CELF1: variants seen among roughly 807,000 people sequenced by gnomAD.
CELF1 encodes 50 kDa nuclear polyadenylated RNA-binding protein.
CELF1 carries 10 observed loss-of-function variants against 61.8 expected under a neutral mutation model. That is an observed-to-expected ratio of 0.16 (90% CI 0.10 to 0.27). The LOEUF is 0.27. Ranked by LOEUF, CELF1 falls within the 10% of genes least tolerant of loss-of-function variation. CELF1 has a pLI of 1.00. For synonymous variants in CELF1, 236 were observed against 225.1 expected (o/e 1.05, Z -0.43); for missense variants, 380 against 639.1 (o/e 0.59, Z 4.37).
intron 1 of CELF1, among the ~76,000 whole-genome samples, chr11:47,534,473 TC>T (rs1370126021): frequency 6.8e-6 from 1 of 147,316 alleles, no homozygotes; most frequent in East Asian, 2.2e-4. Context: ...ATGCCTGTAA[TC>T]CCAGCACTCT....
intron 2 of CELF1, among the ~76,000 whole-genome samples, chr11:47,563,079 C>T (rs977598251): frequency 3.3e-5 from 5 of 151,878 alleles, no homozygotes; most frequent in Non-Finnish European, 5.9e-5. Flanking sequence ...AGCCAGGTAT[C>T]GTGGCACACG....
At chr11:47,533,661 T>C (rs1029896465) in intron 1 of CELF1, among the ~76,000 whole-genome samples, 17 of 151,630 alleles carry the variant, frequency 1.1e-4, no homozygotes, top group African/African-American at 3.9e-4. Context: ...CATACATAAA[T>C]TAGCTGAGCA....
In CELF1 at chr11:47,470,005, C is replaced by G. The variant is rs1482328805; in HGVS notation, c.*2225G>C. On this transcript the variant is annotated 3_prime_UTR_variant, in exon 15 of 15. Coordinates refer to ENST00000687097, the MANE Select transcript of CELF1 (RefSeq NM_001376376.1). ...AGCACCCTATGGAGCACAGCTCTCT[C>G]CTCTGCCAATTCACAGCATTAACAC... is the stretch of plus-strand genomic sequence containing the variant. The G allele has an allele frequency of 2.0e-5, 3 of 152,214 alleles. No individual in the cohort carries two copies. Among genetic ancestry groups the G allele is most frequent in the Non-Finnish European group, 4.4e-5 (3 of 68,060 alleles). 9.4% of individuals were successfully genotyped at this position (152,214 alleles called of 1,614,324 possible).
intron 7 of CELF1, among the ~76,000 whole-genome samples, chr11:47,484,112 C>T (rs1479855558): frequency 6.6e-6 from 1 of 152,102 alleles, no homozygotes; most frequent in Non-Finnish European, 1.5e-5. Context: ...ATGACAGGAT[C>T]GTTTGAGTCC....
At chr11:47,478,028 CTG>C (rs1172790502) in intron 10 of CELF1, among the ~76,000 whole-genome samples, 1 of 152,046 alleles carries the variant, frequency 6.6e-6, no homozygotes, top group Admixed American at 6.6e-5. Flanking sequence ...GGAATCTAAA[CTG>C]TGCTGTCGCT....
intron 9 of CELF1, among the ~76,000 whole-genome samples, chr11:47,480,129 G>A (rs1031839783): frequency 2.1e-5 from 3 of 145,546 alleles, no homozygotes; most frequent in Non-Finnish European, 3.0e-5. Context: ...TCGCTCTGTC[G>A]CCAGGCTGGA....
chr11:47,519,074 C>A (rs892510050), intron 1 of CELF1, among the ~76,000 whole-genome samples: 9 of 152,160 alleles, frequency 5.9e-5, no homozygotes, highest in African/African-American at 2.2e-4. Flanking sequence ...AGGTTATAGG[C>A]CAGAAAATGC....
rs1486185179 is a variant in CELF1 at position 47,489,017 on chromosome 11, T to C, written c.79A>G (p.Lys27Glu). The stretch of plus-strand genomic sequence containing the variant: ...GGGTGGTCCAGGGTGCCGTTCATTT[T>C]CTTTGAGCTGTGTGAGATAAAATGA... ...CSLNSSPVSK[K>E]MNGTLDHPDQ... is the part of the protein sequence containing the mutation. Residue 27 changes from lysine (K) to glutamate (E), a missense_variant, in exon 4 of 15, where the codon AAA becomes GAA. Lys to Glu is a moderately conservative substitution (Grantham distance 56). Transcript: ENST00000687097. The C allele has an allele frequency of 5.1e-6, 8 of 1,581,886 alleles. No individual in the cohort carries two copies. The highest frequency in any genetic ancestry group is 1.7e-4 in the Middle Eastern group (1 of 5,846).
chr11:47,472,020 G>A lies in CELF1; in HGVS notation c.*210C>T. On this transcript the variant is annotated 3_prime_UTR_variant, in exon 15 of 15. Coordinates refer to ENST00000687097, the MANE Select transcript of CELF1 (RefSeq NM_001376376.1). ...CACCTAAACTCCAAAGTAAAACACT[G>A]GAAACCAAAGCACAAACTTGTCCTC... 1 of 543,798 alleles carries A rather than the reference G, an allele frequency of 1.8e-6. No homozygotes were observed. Among genetic ancestry groups the A allele is most frequent in the East Asian group, 2.7e-5 (1 of 36,562 alleles). 33.7% of individuals were successfully genotyped at this position (543,798 alleles called of 1,614,324 possible). A position where few individuals can be genotyped will look rare whatever the true frequency, so the allele number is the denominator to read the frequency against.
At chr11:47,503,647 T>C (rs891337928) in intron 1 of CELF1, among the ~76,000 whole-genome samples, 1 of 152,184 alleles carries the variant, frequency 6.6e-6, no homozygotes, top group Non-Finnish European at 1.5e-5. Flanking sequence ...AAGTAAGCAA[T>C]TGATACTTGA....
chr11:47,521,145 C>T (rs1038574289), intron 1 of CELF1, among the ~76,000 whole-genome samples: 2 of 151,616 alleles, frequency 1.3e-5, no homozygotes, highest in African/African-American at 2.4e-5. Context: ...CCAGCTACTC[C>T]GGAGGCTGAG....
chr11:47,556,262 G>A (rs1409202834), upstream of CELF1, among the ~76,000 whole-genome samples: 3 of 152,114 alleles, frequency 2.0e-5, no homozygotes, highest in Non-Finnish European at 4.4e-5. Context: ...ATAGTTCACA[G>A]CAACCTTGAA....
chr11:47,554,191 G>T (rs2097195645), upstream of CELF1, among the ~76,000 whole-genome samples: 1 of 151,824 alleles, frequency 6.6e-6, no homozygotes, highest in African/African-American at 2.4e-5. Flanking sequence ...GCCTTTGGGG[G>T]GGAAAAAAAC....
rs2153385692 is a variant in CELF1 at position 47,475,591 on chromosome 11, G to A, written c.1088-70C>T. 3.3e-6 allele frequency: 5 copies of A among 1,510,350 alleles called. No individual in the cohort carries two copies. In the East Asian group the frequency reaches 1.1e-4, roughly 34 times the overall value. 93.6% of individuals were successfully genotyped at this position (1,510,350 alleles called of 1,614,324 possible). ...CTGATGCCAAAGACAAGTCTACTTGGGACATCTAGAAGAGGGAAAACTCCA... is the reference window on the plus strand; with the variant it reads ...CTGATGCCAAAGACAAGTCTACTTGAGACATCTAGAAGAGGGAAAACTCCA... On this transcript the variant is annotated intron_variant, in intron 12 of 14. Transcript: ENST00000687097.
intron 12 of CELF1, 136 bp downstream of exon 12, chr11:47,476,710 G>T: frequency 1.5e-6 from 1 of 683,176 alleles, no homozygotes; most frequent in Non-Finnish European, 2.5e-6. Context: ...AGAGGTGTGA[G>T]CCACCACACC....
chr11:47,473,324 G>T (rs2078484749), intron 13 of CELF1, 93 bp from the exon 14 acceptor site: 2 of 1,183,208 alleles, frequency 1.7e-6, no homozygotes, highest in African/African-American at 1.5e-5. Flanking sequence ...TGTTAAAACT[G>T]TCACAATCCC....
intron 1 of CELF1, among the ~76,000 whole-genome samples, chr11:47,542,983 AG>A (rs1258410120): frequency 6.6e-6 from 1 of 152,126 alleles, no homozygotes; most frequent in Non-Finnish European, 1.5e-5. Flanking sequence ...AGCCAGGTGT[AG>A]CAGTGTGCAC....
At chr11:47,545,410 G>A (rs1162699389) in intron 1 of CELF1, among the ~76,000 whole-genome samples, 2 of 152,114 alleles carry the variant, frequency 1.3e-5, no homozygotes, top group African/African-American at 4.8e-5. Context: ...TAGCCTGGGC[G>A]ACAGAGCGGG....
At chr11:47,475,597 C>A in intron 12 of CELF1, 76 bp from the exon 13 acceptor site, 3 of 1,464,968 alleles carry the variant, frequency 2.0e-6, no homozygotes, top group South Asian at 1.2e-5. Context: ...CTTGGGACAT[C>A]TAGAAGAGGG....
Sources: gnomAD v4.1 joint callset for allele counts (sites outside exome capture counted in the v4.1 genomes callset) on GRCh38, gnomAD v4.1.1 for gene constraint, MANE v1.5 for transcripts, NCBI Gene and HGNC (gene_info 2026-07-23, HGNC 2026-07-21) for gene names.